PCDHA1: variants seen among roughly 807,000 people sequenced by gnomAD.
PCDHA1 encodes the protein protocadherin alpha 1.
PCDHA1 carries 42 observed loss-of-function variants against 61.3 expected under a neutral mutation model. That is an observed-to-expected ratio of 0.69 (90% confidence interval 0.54 to 0.89). The LOEUF (loss-of-function observed/expected upper bound fraction) is 0.89. Ranked by LOEUF, PCDHA1 falls within the 40% of genes least tolerant of loss-of-function variation. PCDHA1 has a pLI of 0.00. For missense variants in PCDHA1, 1,256 were observed against 1,235.3 expected, an observed-to-expected ratio of 1.02 and a Z score of -0.25; for synonymous variants, 610 against 553.8, an observed-to-expected ratio of 1.10 and a Z score of -1.43.
chr5:140,928,379 G>C, intron 1 of PCDHA1: 1 of 1,614,172 alleles, frequency 6.2e-7, no homozygotes, highest in Non-Finnish European at 8.5e-7. Flanking sequence ...TCAGCCTCTA[G>C]CTTGCTGGCA....
At chr5:140,836,424 C>G (rs2150260544) in intron 1 of PCDHA1, 1 of 1,613,814 alleles carries the variant, frequency 6.2e-7, no homozygotes, top group Non-Finnish European at 8.5e-7. Context: ...GGCGTCGTCG[C>G]GGGCATCGTT....
intron 1 of PCDHA1, chr5:140,852,675 C>G: frequency 3.1e-6 from 3 of 968,904 alleles, no homozygotes; most frequent in Non-Finnish European, 3.7e-6. Context: ...CACAACTCAC[C>G]TTGAATATAG....
Position 140,894,936 on chromosome 5 carries a change from A to G in PCDHA1, c.2395-84013A>G, listed in dbSNP as rs560165058. Among the ~76,000 whole-genome samples the G allele has an allele frequency of 3.5e-4, 53 of 152,142 alleles. 1 individual carries two copies. The highest frequency in any genetic ancestry group is 5.6e-4 in the Non-Finnish European group (38 of 68,020). On this transcript the variant is annotated intron_variant, in intron 1 of 3. Transcript: ENST00000504120. ...TTGCTCTATAGATTTCTATTCAGCTATTGTCATGAAATGATAAAAATATAA... is the reference window on the plus strand; with the variant it reads ...TTGCTCTATAGATTTCTATTCAGCTGTTGTCATGAAATGATAAAAATATAA...
intron 1 of PCDHA1, among the ~76,000 whole-genome samples, chr5:140,924,232 G>T (rs1554201826): frequency 6.6e-6 from 1 of 152,180 alleles, no homozygotes; most frequent in African/African-American, 2.4e-5. Flanking sequence ...ATTTTTATGG[G>T]CTGTTTTGCA....
intron 1 of PCDHA1, chr5:140,852,708 G>A (rs1175249471): frequency 1.0e-6 from 1 of 979,130 alleles, no homozygotes; most frequent in Non-Finnish European, 1.2e-6. Flanking sequence ...AAGTATCTTT[G>A]TCTTTGCACG....
At position 140,899,258 on chromosome 5, in the gene PCDHA1, T is replaced by C. The variant is rs1293804815; in HGVS notation, c.2395-79691T>C. On this transcript the variant is annotated intron_variant, in intron 1 of 3. Transcript: ENST00000504120. Reference sequence around the variant, plus strand: ...TAGGAGTGGTGAGAGAGGGCATCCCTGTCTTGTGGCAGTTTTCAAAGGGAA... The same window carrying C: ...TAGGAGTGGTGAGAGAGGGCATCCCCGTCTTGTGGCAGTTTTCAAAGGGAA... Among the ~76,000 whole-genome samples the C allele has an allele frequency of 3.7e-4, 56 of 152,282 alleles. No individual in the cohort carries two copies. In the South Asian group the frequency reaches 0.012, roughly 32 times the overall value.
intron 2 of PCDHA1, among the ~76,000 whole-genome samples, chr5:140,981,379 G>C (rs1387904235): frequency 6.6e-6 from 1 of 152,152 alleles, no homozygotes; most frequent in Non-Finnish European, 1.5e-5. Context: ...TTCAAGACCA[G>C]CCTGGTCAAT....
chr5:140,993,291 C>A (rs961103629), intron 3 of PCDHA1, among the ~76,000 whole-genome samples: 6 of 152,068 alleles, frequency 3.9e-5, no homozygotes, highest in African/African-American at 1.4e-4. Flanking sequence ...CCCAGGGTCA[C>A]AACCTTGCCT....
At chr5:140,856,444 C>G in intron 1 of PCDHA1, 1 of 1,598,432 alleles carries the variant, frequency 6.3e-7, no homozygotes, top group Non-Finnish European at 8.6e-7. Flanking sequence ...CGCCCAGGTT[C>G]TCCGTAACAG....
intron 2 of PCDHA1, among the ~76,000 whole-genome samples, chr5:140,980,460 T>G (rs1554241839): frequency 6.6e-6 from 1 of 152,134 alleles, no homozygotes; most frequent in Non-Finnish European, 1.5e-5. Flanking sequence ...TGAAACCCTG[T>G]CTCTACTAAA....
chr5:140,802,890 C>G (rs934549073), intron 1 of PCDHA1: 2 of 1,613,662 alleles, frequency 1.2e-6, no homozygotes, highest in African/African-American at 1.3e-5. Flanking sequence ...CGCGCCGGCA[C>G]TGCTGATGCC....
chr5:140,890,097 C>G (rs1554184163), intron 1 of PCDHA1, among the ~76,000 whole-genome samples: 1 of 152,136 alleles, frequency 6.6e-6, no homozygotes, highest in African/African-American at 2.4e-5. Context: ...AATTTATTCC[C>G]AACTCTGGAT....
Position 140,840,931 on chromosome 5 carries a change from G to A in PCDHA1, c.2394+52247G>A, listed in dbSNP as rs2150310219. Among the ~76,000 whole-genome samples the A allele has an allele frequency of 2.6e-5, 4 of 152,056 alleles. No homozygotes were observed. In the South Asian group the frequency reaches 8.3e-4, roughly 32 times the overall value. ...ACTTAAATTTATTATTAATTGATACGATATTTGAAATATTGGGAAGAAATT... is the reference window on the plus strand; with the variant it reads ...ACTTAAATTTATTATTAATTGATACAATATTTGAAATATTGGGAAGAAATT... On this transcript the variant is annotated intron_variant, in intron 1 of 3. Transcript: ENST00000504120.
chr5:140,940,988 T>G (rs2092713422), intron 1 of PCDHA1, among the ~76,000 whole-genome samples: 1 of 152,206 alleles, frequency 6.6e-6, no homozygotes, highest in African/African-American at 2.4e-5. Flanking sequence ...AGTTACAAGT[T>G]TATAGGATTA....
chr5:140,877,707 G>A, intron 1 of PCDHA1: 2 of 1,614,062 alleles, frequency 1.2e-6, no homozygotes, highest in Non-Finnish European at 1.7e-6. Flanking sequence ...CCAGCGCCGT[G>A]GGGAGTTGGT....
chr5:140,994,394 T>C (rs1332946220), intron 3 of PCDHA1, among the ~76,000 whole-genome samples: 1 of 152,110 alleles, frequency 6.6e-6, no homozygotes, highest in African/African-American at 2.4e-5. Flanking sequence ...AGTCAGAGAT[T>C]ATTTGACATT....
At chr5:140,907,021 C>A (rs950958374) in intron 1 of PCDHA1, among the ~76,000 whole-genome samples, 1 of 152,168 alleles carries the variant, frequency 6.6e-6, no homozygotes, top group Non-Finnish European at 1.5e-5. Flanking sequence ...TCTAGGCCAG[C>A]AGAACATAAT....
Position 140,802,920 on chromosome 5 carries a change from G to T in PCDHA1, c.2394+14236G>T, listed in dbSNP as rs145535421. On this transcript the variant is annotated intron_variant, in intron 1 of 3. Coordinates refer to ENST00000504120, the MANE Select transcript of PCDHA1 (RefSeq NM_018900.4). ...GATGCCTCGGGTGGGTGGCATCGGT[G>T]GCGCAGTGAGCGAGCTGGTGCCGCG... The T allele has an allele frequency of 1.3e-5, 21 of 1,613,690 alleles. No homozygotes were observed. The highest frequency in any genetic ancestry group is 1.6e-5 in the Non-Finnish European group (19 of 1,179,890).
intron 1 of PCDHA1, among the ~76,000 whole-genome samples, chr5:140,844,021 G>A (rs2150368279): frequency 1.3e-5 from 2 of 149,470 alleles, no homozygotes; most frequent in East Asian, 1.9e-4. Flanking sequence ...GACGTTCAGG[G>A]CATTTTGATC....
Sources: gnomAD v4.1 joint callset for allele counts (sites outside exome capture counted in the v4.1 genomes callset) on GRCh38, gnomAD v4.1.1 for gene constraint, MANE v1.5 for transcripts, NCBI Gene and HGNC (gene_info 2026-07-23, HGNC 2026-07-21) for gene names.